POLR1C: variants seen among roughly 807,000 people sequenced by gnomAD.
POLR1C encodes DNA-directed RNA polymerases I and III subunit RPAC1.
In POLR1C, 42 loss-of-function variants were observed where a neutral mutation model predicts 38.3. The observed-to-expected ratio is 1.10, with a 90% CI of 0.86 to 1.42. The LOEUF is 1.42. Ranked by LOEUF, POLR1C falls within the 40% of genes most tolerant of loss-of-function variation. POLR1C has a pLI of 0.00. For synonymous variants in POLR1C, 163 were observed against 163.9 expected (o/e 0.99, Z 0.04); for missense variants, 507 against 450.5 (o/e 1.13, Z -1.14).
intron 8 of POLR1C, chr6:43,527,265 T>C: frequency 4.7e-6 from 1 of 213,394 alleles, no homozygotes; most frequent in Non-Finnish European, 9.5e-6. Context: ...TCTGTCAGTG[T>C]TGCTACAAAC....
At position 43,521,485 on chromosome 6, in the gene POLR1C, A is replaced by C; in HGVS notation, c.*185A>C. 7.2e-7 allele frequency: 1 copy of C among 1,392,934 alleles called. No individual in the cohort carries two copies. The allele number at this position is 1,392,934 out of a possible 1,614,324, so 86.3% of individuals were successfully genotyped here. On this transcript the variant is annotated 3_prime_UTR_variant, in exon 9 of 9. Transcript: ENST00000642195. ...TTTTTACGCCTTTATAAGGCCTTAG[A>C]TGTAAATAAACTCACCCAAACAAAA...
At chr6:43,523,253 A>G (rs573177338), downstream of POLR1C, 1 of 191,824 alleles carries the variant, frequency 5.2e-6, no homozygotes, top group Admixed American at 5.3e-5. Flanking sequence ...TACTGTGCCA[A>G]GTTTAGCAGT....
downstream of POLR1C, chr6:43,526,370 C>G (rs993645346): frequency 3.2e-5 from 14 of 441,116 alleles, no homozygotes; most frequent in East Asian, 4.0e-4. Flanking sequence ...CAGAGGAATA[C>G]AGAGTAGCTG....
At chr6:43,561,004 C>T (rs1392761254) in intron 10 of POLR1C, 1 of 1,613,450 alleles carries the variant, frequency 6.2e-7, no homozygotes, top group South Asian at 1.1e-5. Context: ...TCAGAATCTG[C>T]ACCCTGTAGG....
chr6:43,521,076 G>T (rs763542809), intron 8 of POLR1C, 28 bp downstream of exon 8: 2 of 1,598,772 alleles, frequency 1.3e-6, no homozygotes, highest in Admixed American at 1.7e-5. Flanking sequence ...AGATGAGTGG[G>T]CAGTGCTCTT....
At chr6:43,526,041 G>A, downstream of POLR1C, 1 of 1,078,850 alleles carries the variant, frequency 9.3e-7, no homozygotes, top group Non-Finnish European at 1.4e-6. Context: ...TGGTGGCTAA[G>A]TAGTACTAGG....
chr6:43,560,987 T>G (rs200225049), intron 10 of POLR1C: 17 of 1,613,748 alleles, frequency 1.1e-5, no homozygotes, highest in Non-Finnish European at 1.7e-6. Context: ...TTGATGGTGT[T>G]TCTACATCAG....
intron 9 of POLR1C, among the ~76,000 whole-genome samples, chr6:43,537,625 T>C (rs1399076173): frequency 2.6e-5 from 4 of 152,216 alleles, no homozygotes; most frequent in Non-Finnish European, 5.9e-5. Flanking sequence ...GAGTGCCATA[T>C]GTCCTCTAGA....
intron 8 of POLR1C, chr6:43,526,529 A>G: frequency 1.3e-6 from 1 of 761,072 alleles, no homozygotes; most frequent in Non-Finnish European, 2.2e-6. Flanking sequence ...AGGTGGGAGT[A>G]TGATGGAGGC....
At chr6:43,540,255 G>A (rs753996340) in intron 9 of POLR1C, among the ~76,000 whole-genome samples, 63 of 152,178 alleles carry the variant, frequency 4.1e-4, no homozygotes, top group Admixed American at 3.3e-3. Flanking sequence ...CAGGCCGGGC[G>A]GATCACGAGG....
chr6:43,539,035 G>A, intron 9 of POLR1C: 2 of 1,545,994 alleles, frequency 1.3e-6, no homozygotes, highest in South Asian at 1.1e-5. Context: ...GGGCTGAGGT[G>A]TAGCAGTCAT....
chr6:43,546,797 A>C lies in POLR1C; in HGVS notation c.*5-4171A>C, dbSNP rs765264770. The C allele has an allele frequency of 1.3e-5, 20 of 1,494,238 alleles. No individual in the cohort carries two copies. The African/African-American group carries it at 2.9e-4, about 21-fold the overall frequency. 92.6% of individuals were successfully genotyped at this position (1,494,238 alleles called of 1,614,324 possible). A position where few individuals can be genotyped will look rare whatever the true frequency, so the allele number is the denominator to read the frequency against. ...ACAGATAAATATTAAAAGGAAAAAA[A>C]AAAAAAGACCAAATACTGTTAGATA... On this transcript the variant is annotated intron_variant, in intron 9 of 10. Transcript: ENST00000607635.
intron 10 of POLR1C, chr6:43,558,680 T>A: frequency 1.0e-6 from 1 of 962,966 alleles, no homozygotes; most frequent in Non-Finnish European, 1.5e-6. Flanking sequence ...ACTTTTAATT[T>A]ATTTAAGAGT....
intron 9 of POLR1C, chr6:43,547,821 G>C: frequency 1.3e-6 from 1 of 789,740 alleles, no homozygotes; most frequent in Non-Finnish European, 2.1e-6. Context: ...TTTTTATAGT[G>C]AGAGGAGTAT....
chr6:43,540,268 A>G (rs1794621517), intron 9 of POLR1C, among the ~76,000 whole-genome samples: 1 of 152,224 alleles, frequency 6.6e-6, no homozygotes, highest in Non-Finnish European at 1.5e-5. Context: ...TCACGAGGTC[A>G]GGAGATCAAG....
chr6:43,543,091 C>T (rs962396838), intron 9 of POLR1C, among the ~76,000 whole-genome samples: 3 of 152,030 alleles, frequency 2.0e-5, no homozygotes, highest in African/African-American at 4.8e-5. Context: ...AAATATTGAG[C>T]GAAAGGAAGG....
intron 8 of POLR1C, chr6:43,527,795 G>A (rs1305529402): frequency 5.8e-6 from 9 of 1,561,522 alleles, no homozygotes; most frequent in Admixed American, 5.1e-5. Flanking sequence ...GGAAAGCAGC[G>A]ACCCTAATCA....
intron 8 of POLR1C, chr6:43,528,228 A>G: frequency 6.3e-7 from 1 of 1,577,482 alleles, no homozygotes; most frequent in Middle Eastern, 1.7e-4. Context: ...AAAGGAAATA[A>G]ATGCTAGAAT....
At chr6:43,558,250 G>A (rs1409172538) in intron 10 of POLR1C, among the ~76,000 whole-genome samples, 4 of 152,088 alleles carry the variant, frequency 2.6e-5, no homozygotes, top group Non-Finnish European at 4.4e-5. Context: ...AGTCAAGAGC[G>A]TCTTAAGTAT....
Sources: gnomAD v4.1 joint callset for allele counts (sites outside exome capture counted in the v4.1 genomes callset) on GRCh38, gnomAD v4.1.1 for gene constraint, MANE v1.5 for transcripts, NCBI Gene and HGNC (gene_info 2026-07-23, HGNC 2026-07-21) for gene names.